KIF4A: variants seen among roughly 807,000 people sequenced by gnomAD.
KIF4A encodes the protein kinesin family member 4A.
KIF4A carries 7 observed loss-of-function variants against 105.9 expected under a neutral mutation model. That is an observed-to-expected ratio of 0.07 (90% CI 0.04 to 0.12). The LOEUF (loss-of-function observed/expected upper bound fraction) is 0.12, where lower values mean the gene tolerates loss of function less well. Among genes scored for constraint, KIF4A ranks in the 10% least tolerant of loss-of-function variants. The pLI is 1.00. For synonymous variants in KIF4A, 281 were observed against 331.3 expected, an observed-to-expected ratio of 0.85 and a Z score of 1.65; for missense variants, 558 against 929.2, an observed-to-expected ratio of 0.60 and a Z score of 5.19.
chrX:70,417,841 C>T, intron 28 of KIF4A, 47 bp from the exon 29 acceptor site: 1 of 1,053,433 alleles, frequency 9.5e-7, no homozygotes, highest in Non-Finnish European at 1.3e-6. Flanking sequence ...TTAAACTAGT[C>T]TTCTAACCCT....
chrX:70,305,202 A>G (rs2085822096), intron 7 of KIF4A, among the ~76,000 whole-genome samples: 2 of 111,836 alleles, frequency 1.8e-5, no homozygotes, highest in South Asian at 7.4e-4. Context: ...TTAACATACC[A>G]TAACACTCAC....
chrX:70,402,730 G>C, intron 23 of KIF4A, 35 bp downstream of exon 23: 1 of 1,192,535 alleles, frequency 8.4e-7, no homozygotes, highest in Admixed American at 2.3e-5. Flanking sequence ...TAGGAGGCTG[G>C]CTGTGTAGGT....
chrX:70,326,359 A>G (rs2085911061), intron 7 of KIF4A, among the ~76,000 whole-genome samples: 1 of 112,032 alleles, frequency 8.9e-6, no homozygotes, highest in Non-Finnish European at 1.9e-5. Flanking sequence ...AAGTTGTGAC[A>G]ACCAGAATGT....
chrX:70,367,498 C>T (rs1190723301), intron 15 of KIF4A, among the ~76,000 whole-genome samples: 1 of 111,463 alleles, frequency 9.0e-6, no homozygotes, highest in Non-Finnish European at 1.9e-5. Context: ...TTTATTTCTT[C>T]TTCACTTATG....
rs746459463 is a variant in KIF4A at position 70,290,790 on chromosome X, A to G, written c.220A>G (p.Lys74Glu). The change falls in exon 3 of 31, where the codon AAA becomes GAA. Residue 74 changes from lysine (K) to glutamate (E), a missense_variant. Lys to Glu is a moderately conservative substitution (Grantham distance 56). Transcript: ENST00000374403. ...CAATACAGCAGTAGCGCCACTCATA[A>G]AAGGTGTATTTAAAGGTAAGGCGAT... ...VFNTAVAPLIKGVFKGYNATV... is the reference protein window; with the variant it reads ...VFNTAVAPLIEGVFKGYNATV... The G allele has an allele frequency of 1.1e-5, 13 of 1,181,706 alleles. 1 individual carries two copies. In the South Asian group the frequency reaches 2.3e-4, roughly 21 times the overall value.
chrX:70,350,018 G>A (rs1424881598), intron 13 of KIF4A, among the ~76,000 whole-genome samples: 45 of 112,761 alleles, frequency 4.0e-4, no homozygotes, highest in African/African-American at 1.2e-3. Context: ...CAGCCGGGCA[G>A]AGGGGCTCCT....
At chrX:70,307,008 G>A (rs962645676) in intron 7 of KIF4A, among the ~76,000 whole-genome samples, 4 of 107,587 alleles carry the variant, frequency 3.7e-5, no homozygotes, top group African/African-American at 1.4e-4. Flanking sequence ...ATTTTTTTTT[G>A]TAGAGACGGG....
intron 13 of KIF4A, among the ~76,000 whole-genome samples, chrX:70,348,019 T>C (rs1349260856): frequency 1.1e-5 from 1 of 95,080 alleles, no homozygotes; most frequent in Non-Finnish European, 2.1e-5. Flanking sequence ...ACTTGGAGAA[T>C]CACCAGTACT....
intron 13 of KIF4A, among the ~76,000 whole-genome samples, chrX:70,347,974 C>CAAAAAAAAAAAAAAAAAAAAAAAAAAA (rs61178799): frequency 8.6e-5 from 2 of 23,167 alleles, no homozygotes; most frequent in African/African-American, 5.0e-4. Context: ...GACTCCGTCT[C>CAAAAAAAAAAAAAAAAAAAAAAAAAAA]AAAAAAAAAA....
At chrX:70,375,092 T>C (rs2049222673) in intron 16 of KIF4A, 112 bp from the exon 17 acceptor site, 1 of 830,017 alleles carries the variant, frequency 1.2e-6, no homozygotes, top group South Asian at 3.0e-5. Context: ...GCTATGTGAC[T>C]AGTCACCTAT....
At chrX:70,401,486 C>T (rs186265391) in intron 22 of KIF4A, among the ~76,000 whole-genome samples, 2 of 109,126 alleles carry the variant, frequency 1.8e-5, no homozygotes, top group East Asian at 2.9e-4. Flanking sequence ...CTGCAACCCC[C>T]ACCTCCCGGG....
At chrX:70,384,731 G>T (rs1193004321) in intron 18 of KIF4A, among the ~76,000 whole-genome samples, 2 of 110,745 alleles carry the variant, frequency 1.8e-5, no homozygotes, top group Non-Finnish European at 3.8e-5. Flanking sequence ...CTCAAAAAAA[G>T]ATTTGTCTGC....
intron 28 of KIF4A, among the ~76,000 whole-genome samples, chrX:70,417,117 A>T (rs1463397308): frequency 8.9e-6 from 1 of 112,937 alleles, no homozygotes; most frequent in Non-Finnish European, 1.9e-5. Flanking sequence ...GCTTCACTTT[A>T]CCCATAAAGT....
chrX:70,328,393 C>G (rs1450048583), intron 7 of KIF4A, among the ~76,000 whole-genome samples: 1 of 110,938 alleles, frequency 9.0e-6, no homozygotes, highest in Non-Finnish European at 1.9e-5. Flanking sequence ...CTCCAGTCCT[C>G]TTATCAGGCA....
chrX:70,307,001 T>G (rs1202024991), intron 7 of KIF4A, among the ~76,000 whole-genome samples: 3 of 110,188 alleles, frequency 2.7e-5, no homozygotes, highest in African/African-American at 9.9e-5. Context: ...ATTTTTAATT[T>G]TTTTTTGTAG....
rs1475748819 is a variant in KIF4A at position 70,315,784 on chromosome X, CA to C, written c.778+13388del. Among the ~76,000 whole-genome samples, 3 of 111,855 alleles carry C rather than the reference CA, an allele frequency of 2.7e-5. No individual in the cohort carries two copies. In the Admixed American group the frequency reaches 2.9e-4, roughly 11 times the overall value. ...TCTTAGTCTCAAGGTAGAGAGGACC[CA>C]ACCCATCTCATTGTTTTCTTAGCAT... On this transcript the variant is annotated intron_variant, in intron 7 of 30. Coordinates refer to ENST00000374403, the MANE Select transcript of KIF4A (RefSeq NM_012310.5).
chrX:70,396,001 A>G lies in KIF4A; in HGVS notation c.2441A>G (p.Asp814Gly). 8.3e-7 allele frequency: 1 copy of G among 1,208,687 alleles called. No individual in the cohort carries two copies. Among genetic ancestry groups the G allele is most frequent in the Non-Finnish European group, 1.1e-6 (1 of 893,002 alleles). Reference sequence around the variant, plus strand: ...CGTGGTCAAGTTTCGGAGTCAGAAGATTCTATTACAAAGCAGATTGAAAGC... The same window carrying G: ...CGTGGTCAAGTTTCGGAGTCAGAAGGTTCTATTACAAAGCAGATTGAAAGC... ...EVRGQVSESE[D>G]SITKQIESLE... Residue 814 changes from aspartate (D) to glycine (G), a missense_variant, in exon 22 of 31, where the codon GAT becomes GGT. Physicochemically the swap from Asp to Gly is moderately conservative, Grantham distance 94. Around this residue, in one of 2 missense-constraint regions of KIF4A, gnomAD observed 469 missense variants for 680.4 expected, o/e 0.69. Transcript: ENST00000374403.
intron 15 of KIF4A, among the ~76,000 whole-genome samples, chrX:70,363,822 C>G (rs751074007): frequency 2.3e-4 from 26 of 112,230 alleles, no homozygotes; most frequent in Admixed American, 9.5e-4. Flanking sequence ...GCCACACTGA[C>G]TTCCACAATG....
chrX:70,314,212 A>G (rs1602744759), intron 7 of KIF4A, among the ~76,000 whole-genome samples: 1 of 112,401 alleles, frequency 8.9e-6, no homozygotes, highest in Admixed American at 9.4e-5. Context: ...CCAAACTGCC[A>G]TTGTCAAAGG....
Sources: gnomAD v4.1 joint callset for allele counts (sites outside exome capture counted in the v4.1 genomes callset) on GRCh38, gnomAD v4.1.1 for gene constraint, gnomAD v4.1.1 regional missense constraint, MANE v1.5 for transcripts, NCBI Gene and HGNC (gene_info 2026-07-23, HGNC 2026-07-21) for gene names.